The following MAST4 variants were observed in gnomAD, a reference collection of about 807,000 sequenced individuals.
MAST4 encodes the protein microtubule associated serine/threonine kinase family member 4, also known as microtubule-associated serine/threonine-protein kinase 4.
Under a neutral mutation model 162.7 loss-of-function variants are expected in MAST4, and 89 were observed. The ratio of observed to expected loss-of-function variants is 0.55; its 90% CI spans 0.46 to 0.65. MAST4 has a LOEUF of 0.65. MAST4 is among the 30% of genes least tolerant of loss of function. The pLI is 0.00. For missense variants in MAST4, 3,153 were observed against 3,374.0 expected (o/e 0.93, Z 1.62); for synonymous variants, 1,479 against 1,361.1 (o/e 1.09, Z -1.91).
chr5:66,742,092 G>C (rs1299302310), intron 1 of MAST4, among the ~76,000 whole-genome samples: 2 of 151,966 alleles, frequency 1.3e-5, no homozygotes, highest in South Asian at 4.2e-4. Flanking sequence ...CTTGTCTCTT[G>C]TTTCCAGCCT....
intron 1 of MAST4, 134 bp downstream of exon 1, chr5:66,597,152 G>T: frequency 8.6e-7 from 1 of 1,165,834 alleles, no homozygotes; most frequent in Non-Finnish European, 1.1e-6. Context: ...GCTCTGCCCC[G>T]AGCACGGGAC....
chr5:67,099,458 A>G (rs1032307887), intron 7 of MAST4, among the ~76,000 whole-genome samples: 9 of 152,054 alleles, frequency 5.9e-5, no homozygotes, highest in African/African-American at 1.9e-4. Flanking sequence ...CTGCATTGCA[A>G]TGTTTCAGTA....
At chr5:66,939,087 A>G (rs1434674055) in intron 4 of MAST4, among the ~76,000 whole-genome samples, 2 of 152,208 alleles carry the variant, frequency 1.3e-5, no homozygotes. Context: ...TGGACTTAAA[A>G]ATACATAATT....
At chr5:67,081,061 A>ATTTTT (rs1561626203) in intron 5 of MAST4, among the ~76,000 whole-genome samples, 4 of 120,060 alleles carry the variant, frequency 3.3e-5, no homozygotes, top group Non-Finnish European at 4.8e-5. Flanking sequence ...TATATTATAT[A>ATTTTT]ATATAATATA....
At chr5:66,651,088 A>G (rs1746187206) in intron 1 of MAST4, among the ~76,000 whole-genome samples, 1 of 152,186 alleles carries the variant, frequency 6.6e-6, no homozygotes, top group Non-Finnish European at 1.5e-5. Flanking sequence ...TATTATGTTA[A>G]CTGCACTTAA....
intron 3 of MAST4, among the ~76,000 whole-genome samples, chr5:66,874,425 A>G (rs1285336846): frequency 1.3e-5 from 2 of 152,210 alleles, no homozygotes; most frequent in African/African-American, 2.4e-5. Context: ...GCACAAAAGA[A>G]TAATGATGAT....
chr5:66,631,356 G>A (rs988019592), intron 1 of MAST4, among the ~76,000 whole-genome samples: 1 of 152,120 alleles, frequency 6.6e-6, no homozygotes, highest in Admixed American at 6.5e-5. Flanking sequence ...AGGGAATGAG[G>A]TATTAAATGA....
At chr5:66,685,852 G>A (rs1748621530) in intron 1 of MAST4, among the ~76,000 whole-genome samples, 1 of 152,074 alleles carries the variant, frequency 6.6e-6, no homozygotes, top group Non-Finnish European at 1.5e-5. Context: ...CCAGTTTTGT[G>A]GAAGACAGTT....
chr5:66,610,381 G>T (rs781643048), intron 1 of MAST4, among the ~76,000 whole-genome samples: 1 of 152,190 alleles, frequency 6.6e-6, no homozygotes, highest in African/African-American at 2.4e-5. Context: ...GCCTACAACA[G>T]CCTAATTAGT....
At chr5:66,801,317 G>C (rs748849088) in intron 3 of MAST4, among the ~76,000 whole-genome samples, 3 of 152,112 alleles carry the variant, frequency 2.0e-5, no homozygotes, top group Non-Finnish European at 4.4e-5. Context: ...TCCTGGGGTA[G>C]GTGATAGGGA....
chr5:67,063,320 A>G (rs1216821572), intron 5 of MAST4, among the ~76,000 whole-genome samples: 2 of 152,202 alleles, frequency 1.3e-5, no homozygotes, highest in Non-Finnish European at 2.9e-5. Flanking sequence ...TGTCAAGTCA[A>G]TAATCGGGTG....
chr5:66,643,878 GT>G (rs71610525), intron 1 of MAST4, among the ~76,000 whole-genome samples: 10,951 of 141,924 alleles, frequency 0.077, 464 homozygotes, highest in African/African-American at 0.12. Flanking sequence ...AATAGCTTGT[GT>G]TTTTTTTTTT....
At chr5:66,711,057 G>A (rs1422608422) in intron 1 of MAST4, among the ~76,000 whole-genome samples, 9 of 152,070 alleles carry the variant, frequency 5.9e-5, no homozygotes, top group South Asian at 2.1e-4. Flanking sequence ...GATTAGTTTC[G>A]CTACTCTTTG....
chr5:67,160,461 G>A lies in MAST4; in HGVS notation c.3654G>A (p.Gly1218=). ...CCACCTCATCTTTTCTTTAGAGTGG[G>A]AATAAGGTGTCAATCACTACTACCC... is the stretch of plus-strand genomic sequence containing the variant. ...TEVIELLLKS[G]NKVSITTTPF... is the part of the protein sequence containing the mutation. Residue 1218 remains glycine (G), a synonymous_variant, in exon 27 of 29, where the codon GGG becomes GGA. Transcript: ENST00000403625. The A allele has an allele frequency of 2.5e-6, 4 of 1,608,856 alleles. No individual in the cohort carries two copies. The highest frequency in any genetic ancestry group is 2.5e-6 in the Non-Finnish European group (3 of 1,177,692).
At chr5:66,933,524 G>T (rs1742391863) in intron 4 of MAST4, among the ~76,000 whole-genome samples, 1 of 152,154 alleles carries the variant, frequency 6.6e-6, no homozygotes, top group African/African-American at 2.4e-5. Context: ...CCTGGAATCA[G>T]TGGATAGCTT....
chr5:66,876,882 A>G (rs1761337638), intron 3 of MAST4, among the ~76,000 whole-genome samples: 1 of 152,232 alleles, frequency 6.6e-6, no homozygotes, highest in East Asian at 1.9e-4. Flanking sequence ...AGCCCGAAGG[A>G]ACACACAGCA....
intron 3 of MAST4, among the ~76,000 whole-genome samples, chr5:66,796,060 C>A (rs1175213422): frequency 6.6e-6 from 1 of 152,156 alleles, no homozygotes. Flanking sequence ...ATAGGTCAGG[C>A]CTAATCCATG....
intron 1 of MAST4, among the ~76,000 whole-genome samples, chr5:66,679,223 C>T (rs567732587): frequency 1.3e-5 from 2 of 152,246 alleles, no homozygotes; most frequent in South Asian, 2.1e-4. Context: ...TGAGATAGTT[C>T]GTTCAGGGGA....
intron 4 of MAST4, among the ~76,000 whole-genome samples, chr5:67,008,879 C>A (rs564717171): frequency 4.6e-5 from 7 of 152,300 alleles, no homozygotes; most frequent in African/African-American, 1.4e-4. Flanking sequence ...ATGCATTCGG[C>A]ATCTTCCCTT....
Sources: gnomAD v4.1 joint callset for allele counts (sites outside exome capture counted in the v4.1 genomes callset) on GRCh38, gnomAD v4.1.1 for gene constraint, MANE v1.5 for transcripts, NCBI Gene and HGNC (gene_info 2026-07-23, HGNC 2026-07-21) for gene names.